UNC79: variants seen among roughly 807,000 people sequenced by gnomAD.
The protein encoded by UNC79 is protein unc-79 homolog.
A neutral mutation model predicts 283.1 loss-of-function variants in UNC79; 37 were observed. The ratio of observed to expected loss-of-function variants is 0.13; its 90% CI spans 0.10 to 0.17. The LOEUF (loss-of-function observed/expected upper bound fraction) is 0.17. Among genes scored for constraint, UNC79 ranks in the 10% least tolerant of loss-of-function variants. UNC79 has a pLI of 1.00. For missense variants in UNC79, 2,272 were observed against 3,211.1 expected (o/e 0.71, Z 7.07); for synonymous variants, 1,107 against 1,200.2 (o/e 0.92, Z 1.61).
At chr14:93,663,693 G>A (rs2140474682) in intron 40 of UNC79, among the ~76,000 whole-genome samples, 1 of 152,136 alleles carries the variant, frequency 6.6e-6, no homozygotes, top group South Asian at 2.1e-4. Flanking sequence ...GGAGCAATAT[G>A]TTTTCTAACT....
In UNC79 at chr14:93,670,120, T is replaced by G. The variant is rs949520101; in HGVS notation, c.6637-3231T>G. 2.0e-5 allele frequency among the ~76,000 whole-genome samples: 3 copies of G among 152,254 alleles called. No individual in the cohort carries two copies. In the East Asian group the frequency reaches 5.8e-4, roughly 29 times the overall value. ...GTCCATCTTCTGAGACTGGAAAAACTCAAACTCAAGCCATGTTTTTCCTCT... is the reference window on the plus strand; with the variant it reads ...GTCCATCTTCTGAGACTGGAAAAACGCAAACTCAAGCCATGTTTTTCCTCT... On this transcript the variant is annotated intron_variant, in intron 40 of 48. Coordinates refer to ENST00000555664, the Ensembl canonical transcript of UNC79.
upstream of UNC79, among the ~76,000 whole-genome samples, chr14:93,428,389 C>T (rs2055776570): frequency 6.6e-6 from 1 of 152,108 alleles, no homozygotes; most frequent in Admixed American, 6.5e-5. Context: ...GGCATTGCAT[C>T]TGGCAATGAG....
At chr14:93,393,044 C>T (rs952064974) in intron 1 of UNC79, among the ~76,000 whole-genome samples, 21 of 152,282 alleles carry the variant, frequency 1.4e-4, no homozygotes, top group African/African-American at 4.1e-4. Flanking sequence ...CTTGCTGCAT[C>T]ATAACATGGC....
chr14:93,357,708 T>TGGATATATGG (rs2054119280), intron 1 of UNC79, among the ~76,000 whole-genome samples: 1 of 128,982 alleles, frequency 7.8e-6, no homozygotes, highest in African/African-American at 3.1e-5. Flanking sequence ...TATATATATA[T>TGGATATATGG]ATATATATAT....
chr14:93,597,521 T>G (rs2141997740), exon 24 of UNC79: 1 of 1,612,906 alleles, frequency 6.2e-7, no homozygotes. Context: ...CTTGACACCA[T>G]AAAGAGGCCA....
At chr14:93,468,800 G>T (rs536796484) in intron 2 of UNC79, among the ~76,000 whole-genome samples, 3 of 152,242 alleles carry the variant, frequency 2.0e-5, no homozygotes, top group African/African-American at 7.2e-5. Flanking sequence ...TAGTGATCCT[G>T]TTCTATATTG....
At chr14:93,615,987 A>T (rs1050378518) in intron 27 of UNC79, among the ~76,000 whole-genome samples, 3 of 152,028 alleles carry the variant, frequency 2.0e-5, no homozygotes, top group Non-Finnish European at 4.4e-5. Flanking sequence ...CCACCTTTTT[A>T]AAATTTTTTT....
intron 42 of UNC79, among the ~76,000 whole-genome samples, chr14:93,683,394 A>G (rs2073993479): frequency 1.3e-5 from 2 of 150,156 alleles, no homozygotes; most frequent in South Asian, 2.1e-4. Context: ...GGCCAAGTCT[A>G]AAAGTGTGTG....
intron 1 of UNC79, among the ~76,000 whole-genome samples, chr14:93,422,638 A>G (rs940521460): frequency 5.9e-5 from 9 of 152,300 alleles, no homozygotes; most frequent in Non-Finnish European, 1.2e-4. Flanking sequence ...TACAGAAGGA[A>G]CATACCTCGA....
intron 7 of UNC79, among the ~76,000 whole-genome samples, chr14:93,520,408 A>T (rs2060268677): frequency 6.6e-6 from 1 of 151,770 alleles, no homozygotes; most frequent in African/African-American, 2.4e-5. Flanking sequence ...TATCTTGCCT[A>T]GGATTCATTG....
At chr14:93,535,679 G>A (rs919024748) in intron 11 of UNC79, among the ~76,000 whole-genome samples, 2 of 152,134 alleles carry the variant, frequency 1.3e-5, no homozygotes, top group Non-Finnish European at 2.9e-5. Flanking sequence ...CTAAGCCAGC[G>A]CCATTGACTC....
At chr14:93,400,362 T>C (rs1273922038) in intron 1 of UNC79, among the ~76,000 whole-genome samples, 1 of 152,158 alleles carries the variant, frequency 6.6e-6, no homozygotes, top group Non-Finnish European at 1.5e-5. Flanking sequence ...TGGGCATGAC[T>C]TTGTTTTAAG....
intron 1 of UNC79, among the ~76,000 whole-genome samples, chr14:93,400,683 A>G (rs1266896427): frequency 1.3e-5 from 2 of 152,174 alleles, no homozygotes; most frequent in East Asian, 3.9e-4. Context: ...TCTACGGTGC[A>G]TATCGCTTTA....
At chr14:93,610,559 T>C (rs560321271) in intron 26 of UNC79, among the ~76,000 whole-genome samples, 36 of 152,320 alleles carry the variant, frequency 2.4e-4, no homozygotes, top group Non-Finnish European at 4.6e-4. Flanking sequence ...TGTAAAGTAA[T>C]ACTCTAGTGG....
intron 27 of UNC79, among the ~76,000 whole-genome samples, chr14:93,616,074 G>A (rs1384175881): frequency 6.6e-6 from 1 of 151,858 alleles, no homozygotes; most frequent in Non-Finnish European, 1.5e-5. Flanking sequence ...CTGAGATTTT[G>A]GTGCAACCTT....
At chr14:93,372,758 G>A (rs960303407) in intron 1 of UNC79, among the ~76,000 whole-genome samples, 1 of 152,190 alleles carries the variant, frequency 6.6e-6, no homozygotes, top group Non-Finnish European at 1.5e-5. Context: ...GACAGATCCA[G>A]CAGGTAAAAA....
chr14:93,493,557 T>G (rs2058840967), intron 5 of UNC79, among the ~76,000 whole-genome samples: 1 of 152,146 alleles, frequency 6.6e-6, no homozygotes, highest in Non-Finnish European at 1.5e-5. Flanking sequence ...TAAGCAGATC[T>G]TTCTGAAAGC....
At chr14:93,558,696 A>C (rs563623407) in intron 14 of UNC79, among the ~76,000 whole-genome samples, 1 of 135,116 alleles carries the variant, frequency 7.4e-6, no homozygotes, top group South Asian at 2.4e-4. Context: ...GCTGGTAAGA[A>C]ATTCTTACCC....
chr14:93,597,050 T>C (rs1409795516), intron 23 of UNC79, among the ~76,000 whole-genome samples: 1 of 152,110 alleles, frequency 6.6e-6, no homozygotes, highest in African/African-American at 2.4e-5. Flanking sequence ...TTTTGAAATA[T>C]AGCTGAAAGT....
Sources: allele counts gnomAD v4.1 joint callset (sites outside exome capture counted in the v4.1 genomes callset), GRCh38; gene constraint gnomAD v4.1.1; transcripts MANE v1.5; gene names NCBI Gene and HGNC (gene_info 2026-07-23, HGNC 2026-07-21).